Variants in N4BP2L2 observed in about 807,000 individuals in gnomAD.
N4BP2L2 encodes NEDD4 binding protein 2 like 2, also known as NEDD4-binding protein 2-like 2.
A neutral mutation model predicts 56.2 loss-of-function variants in N4BP2L2; 50 were observed. The observed-to-expected ratio is 0.89, with a 90% CI of 0.71 to 1.13. The LOEUF is 1.13. Ranked by LOEUF, N4BP2L2 falls within the 50% of genes most tolerant of loss-of-function variation. N4BP2L2 has a pLI of 0.00. For missense variants in N4BP2L2, 689 were observed against 693.8 expected (o/e 0.99, Z 0.08); for synonymous variants, 203 against 223.6 (o/e 0.91, Z 0.82).
At chr13:32,501,741 G>A (rs1050684028) in intron 6 of N4BP2L2, among the ~76,000 whole-genome samples, 3 of 151,986 alleles carry the variant, frequency 2.0e-5, no homozygotes, top group Admixed American at 2.0e-4. Context: ...CATGAAACCC[G>A]GAGGCGGAGC....
chr13:32,493,310 G>A (rs1322045946), intron 6 of N4BP2L2, among the ~76,000 whole-genome samples: 1 of 151,834 alleles, frequency 6.6e-6, no homozygotes, highest in Non-Finnish European at 1.5e-5. Flanking sequence ...CAGTTCTCAT[G>A]CCTCTATCTA....
At chr13:32,494,359 T>C (rs1167518668) in intron 6 of N4BP2L2, among the ~76,000 whole-genome samples, 1 of 151,808 alleles carries the variant, frequency 6.6e-6, no homozygotes, top group African/African-American at 2.4e-5. Flanking sequence ...TAATACACCA[T>C]TTTTTTAGCA....
At chr13:32,488,196 G>A (rs1316517284) in intron 6 of N4BP2L2, among the ~76,000 whole-genome samples, 1 of 152,044 alleles carries the variant, frequency 6.6e-6, no homozygotes, top group Non-Finnish European at 1.5e-5. Flanking sequence ...CAGAAAATGT[G>A]GTATATATAC....
chr13:32,466,806 T>G (rs747635662), intron 6 of N4BP2L2, among the ~76,000 whole-genome samples: 8 of 152,216 alleles, frequency 5.3e-5, no homozygotes, highest in Non-Finnish European at 1.2e-4. Flanking sequence ...TCCATTTTAT[T>G]ATTAGTCTTT....
chr13:32,515,000 T>C (rs1051772676), exon 6 of N4BP2L2: 1 of 152,188 alleles, frequency 6.6e-6, no homozygotes, highest in African/African-American at 2.4e-5. Context: ...TATCCAGGTA[T>C]GGTGGCGAGT....
chr13:32,516,470 A>C (rs559490911), exon 6 of N4BP2L2: 1 of 152,352 alleles, frequency 6.6e-6, no homozygotes, highest in Admixed American at 6.5e-5. Context: ...TGTTGATAGC[A>C]GTGAATCTAG....
chr13:32,520,168 CTG>C (rs2050400331), intron 5 of N4BP2L2, among the ~76,000 whole-genome samples: 2 of 151,896 alleles, frequency 1.3e-5, no homozygotes, highest in Admixed American at 1.3e-4. Context: ...TTGAAGCAAA[CTG>C]AGGTAGAAGG....
chr13:32,524,812 G>C (rs1437697081), intron 3 of N4BP2L2: 2 of 152,202 alleles, frequency 1.3e-5, no homozygotes, highest in African/African-American at 4.8e-5. Context: ...ACCCAGACTG[G>C]AGTGCAGTAG....
intron 3 of N4BP2L2, chr13:32,526,840 T>TG (rs2053095232): frequency 7.1e-6 from 1 of 141,610 alleles, no homozygotes; most frequent in Non-Finnish European, 1.5e-5. Flanking sequence ...TTTTTTTTTT[T>TG]TTTTTTGCTT....
At chr13:32,453,960 C>T (rs769472760) in intron 6 of N4BP2L2, among the ~76,000 whole-genome samples, 16 of 152,118 alleles carry the variant, frequency 1.1e-4, no homozygotes, top group Non-Finnish European at 1.8e-4. Context: ...GCATAACTAC[C>T]ACTTGGGGTA....
chr13:32,482,320 T>G (rs1210351081), intron 6 of N4BP2L2, among the ~76,000 whole-genome samples: 1 of 152,168 alleles, frequency 6.6e-6, no homozygotes, highest in East Asian at 1.9e-4. Flanking sequence ...ATTGTTATAG[T>G]GGGGTTTACA....
rs200024982 is a variant in N4BP2L2, at chr13:32,536,631, T to C, written c.397A>G (p.Lys133Glu). Reference sequence around the variant, plus strand: ...TTCCTCCCTTCATTACGTTTCTTTTTCTCAGGGGGTTTGTAAATGGGTCCT... The same window carrying C: ...TTCCTCCCTTCATTACGTTTCTTTTCCTCAGGGGGTTTGTAAATGGGTCCT... Residue 133 changes from lysine (K) to glutamate (E), a missense_variant, in exon 2 of 6, where the codon AAA becomes GAA. Transcript: ENST00000267068. 38 of 1,613,990 alleles carry C rather than the reference T, an allele frequency of 2.4e-5. No individual in the cohort carries two copies. The African/African-American group carries it at 4.5e-4, about 19-fold the overall frequency.
At chr13:32,466,054 C>G (rs1183387560) in intron 6 of N4BP2L2, among the ~76,000 whole-genome samples, 4 of 152,162 alleles carry the variant, frequency 2.6e-5, no homozygotes, top group South Asian at 2.1e-4. Context: ...TTGGTCACAT[C>G]CTACAATTTA....
exon 2 of N4BP2L2, chr13:32,536,515 T>C: frequency 6.2e-7 from 1 of 1,613,858 alleles, no homozygotes; most frequent in Non-Finnish European, 8.5e-7. Context: ...ACTGGAATAA[T>C]TCATTGTCAA....
At chr13:32,459,812 C>T (rs1241213815) in intron 6 of N4BP2L2, among the ~76,000 whole-genome samples, 2 of 152,008 alleles carry the variant, frequency 1.3e-5, no homozygotes, top group African/African-American at 4.8e-5. Flanking sequence ...TCTATAAGGC[C>T]AGGATTACCC....
chr13:32,454,336 G>A lies in N4BP2L2; in HGVS notation c.366-10210C>T, dbSNP rs141113480. Among the ~76,000 whole-genome samples the A allele has an allele frequency of 6.7e-3, 1,017 of 152,230 alleles. 9 individuals carry two copies. Among genetic ancestry groups the A allele is most frequent in the African/African-American group, 0.023 (968 of 41,532 alleles). ...CTAAACTAATGGAACAAAGACTTCA[G>A]TAGAATATAGATTTTACAAAATTAG... On this transcript the variant is annotated intron_variant, in intron 6 of 9. Coordinates refer to the N4BP2L2 transcript ENST00000357505.
At chr13:32,469,377 C>T (rs1398223510) in intron 6 of N4BP2L2, among the ~76,000 whole-genome samples, 1 of 152,202 alleles carries the variant, frequency 6.6e-6, no homozygotes. Flanking sequence ...AAGTGCACAG[C>T]ACCGAGAAAG....
At chr13:32,447,724 G>T (rs1313773641) in intron 6 of N4BP2L2, among the ~76,000 whole-genome samples, 1 of 152,136 alleles carries the variant, frequency 6.6e-6, no homozygotes, top group Non-Finnish European at 1.5e-5. Context: ...CTCCCCAAGA[G>T]TTGCTTTGTT....
At chr13:32,538,001 G>A (rs895861777) in intron 1 of N4BP2L2, among the ~76,000 whole-genome samples, 4 of 150,854 alleles carry the variant, frequency 2.7e-5, no homozygotes, top group South Asian at 2.1e-4. Context: ...ACCCGGGGGG[G>A]GCGGAGGTTG....
Sources: allele counts gnomAD v4.1 joint callset (sites outside exome capture counted in the v4.1 genomes callset), GRCh38; gene constraint gnomAD v4.1.1; transcripts MANE v1.5; gene names NCBI Gene and HGNC (gene_info 2026-07-23, HGNC 2026-07-21).